GPC5: variants seen among roughly 807,000 people sequenced by gnomAD.
GPC5 encodes the protein glypican-5.
A neutral mutation model predicts 53.9 loss-of-function variants in GPC5; 47 were observed. The ratio of observed to expected loss-of-function variants is 0.87; its 90% CI spans 0.69 to 1.11. The LOEUF is 1.11. GPC5 is among the 50% of genes most tolerant of loss of function. The probability of loss-of-function intolerance (pLI) is 0.00; values close to 1 mark genes in which losing one functional copy is unlikely to be tolerated. For synonymous variants in GPC5, 286 were observed against 263.3 expected (o/e 1.09, Z -0.84); for missense variants, 748 against 713.1 (o/e 1.05, Z -0.56).
At chr13:91,951,323 CATT>C (rs1381509552) in intron 6 of GPC5, among the ~76,000 whole-genome samples, 2 of 151,812 alleles carry the variant, frequency 1.3e-5, no homozygotes, top group Non-Finnish European at 2.9e-5. Context: ...AATTGACAAA[CATT>C]GTGTGTGTAT....
intron 7 of GPC5, among the ~76,000 whole-genome samples, chr13:92,194,606 T>G (rs952822900): frequency 2.0e-5 from 3 of 151,806 alleles, no homozygotes; most frequent in Middle Eastern, 3.4e-3. Flanking sequence ...ATAATGGCCA[T>G]AGCTAGGTAA....
chr13:91,822,916 T>C (rs2038518960), intron 5 of GPC5, among the ~76,000 whole-genome samples: 1 of 152,130 alleles, frequency 6.6e-6, no homozygotes, highest in Non-Finnish European at 1.5e-5. Flanking sequence ...ACACATGTAT[T>C]AAATTAATAT....
intron 7 of GPC5, among the ~76,000 whole-genome samples, chr13:92,514,182 G>C (rs1302025138): frequency 9.0e-6 from 1 of 111,614 alleles, no homozygotes; most frequent in African/African-American, 3.6e-5. Context: ...ATATTGATTT[G>C]TCACCTGTCA....
rs528174351 is a variant in GPC5, at chr13:92,518,728, C to A, written c.1562-347554C>A. On this transcript the variant is annotated intron_variant, in intron 7 of 7. Transcript: ENST00000377067. ...GGAAGAAACTGCATCAACTAACGAG[C>A]AAAATAACCAGCTAACATCATAATG... is the stretch of plus-strand genomic sequence containing the variant. Among the ~76,000 whole-genome samples, 10 of 152,232 alleles carry A rather than the reference C, an allele frequency of 6.6e-5. No individual in the cohort carries two copies. The South Asian group carries it at 2.1e-3, about 32-fold the overall frequency.
At chr13:92,237,615 T>A (rs929414015) in intron 7 of GPC5, among the ~76,000 whole-genome samples, 1 of 152,220 alleles carries the variant, frequency 6.6e-6, no homozygotes, top group Non-Finnish European at 1.5e-5. Flanking sequence ...CATACTTGTA[T>A]TTCTTGTGTA....
chr13:91,754,322 A>C (rs2037242549), intron 4 of GPC5, among the ~76,000 whole-genome samples: 1 of 152,140 alleles, frequency 6.6e-6, no homozygotes, highest in Non-Finnish European at 1.5e-5. Context: ...GAGGGATGTA[A>C]TCTTAGTGTA....
chr13:92,008,226 C>G (rs1175065592), intron 6 of GPC5, among the ~76,000 whole-genome samples: 4 of 151,924 alleles, frequency 2.6e-5, no homozygotes, highest in East Asian at 1.9e-4. Context: ...CCACGCCCGG[C>G]TAATTTTTTG....
At chr13:92,594,061 G>GCT (rs1461742807) in intron 7 of GPC5, among the ~76,000 whole-genome samples, 1 of 152,164 alleles carries the variant, frequency 6.6e-6, no homozygotes, top group African/African-American at 2.4e-5. Context: ...AACAAATGGA[G>GCT]TGGTAGTAAC....
At chr13:91,843,958 A>C (rs1220235899) in intron 5 of GPC5, among the ~76,000 whole-genome samples, 1 of 152,302 alleles carries the variant, frequency 6.6e-6, no homozygotes, top group Non-Finnish European at 1.5e-5. Flanking sequence ...TTAATAGATA[A>C]AGAACACAGG....
intron 5 of GPC5, among the ~76,000 whole-genome samples, chr13:91,883,097 C>A (rs954845372): frequency 6.6e-6 from 1 of 152,160 alleles, no homozygotes; most frequent in Admixed American, 6.5e-5. Flanking sequence ...CAGTGCTAGT[C>A]AGCTGGCAAA....
intron 7 of GPC5, among the ~76,000 whole-genome samples, chr13:92,727,882 ACAGT>A (rs1424673764): frequency 1.3e-5 from 2 of 151,386 alleles, no homozygotes; most frequent in South Asian, 2.1e-4. Flanking sequence ...ACCTTCTCTA[ACAGT>A]CAGTTTACTA....
intron 6 of GPC5, among the ~76,000 whole-genome samples, chr13:92,120,678 CA>C (rs1257318567): frequency 6.6e-6 from 1 of 152,142 alleles, no homozygotes; most frequent in Non-Finnish European, 1.5e-5. Flanking sequence ...CACATTTATA[CA>C]TATGTATGTA....
intron 7 of GPC5, among the ~76,000 whole-genome samples, chr13:92,343,589 T>C (rs1010160067): frequency 1.3e-5 from 2 of 152,118 alleles, no homozygotes; most frequent in African/African-American, 4.8e-5. Context: ...CATAATAATA[T>C]AATTATCTTG....
intron 7 of GPC5, among the ~76,000 whole-genome samples, chr13:92,501,766 C>A (rs954915717): frequency 4.6e-5 from 7 of 152,064 alleles, no homozygotes; most frequent in Non-Finnish European, 8.8e-5. Flanking sequence ...CTGCAGATTT[C>A]TCATCAGAAA....
intron 7 of GPC5, among the ~76,000 whole-genome samples, chr13:92,681,603 T>G (rs1381038852): frequency 6.6e-6 from 1 of 152,124 alleles, no homozygotes; most frequent in African/African-American, 2.4e-5. Context: ...TGTCTCATGA[T>G]AAATTCTAAA....
intron 7 of GPC5, among the ~76,000 whole-genome samples, chr13:92,400,310 G>A (rs569493076): frequency 6.6e-6 from 1 of 152,090 alleles, no homozygotes; most frequent in Non-Finnish European, 1.5e-5. Flanking sequence ...CTTTTTGTTA[G>A]AATAACGTAA....
intron 6 of GPC5, among the ~76,000 whole-genome samples, chr13:91,939,717 C>A (rs2039907005): frequency 6.6e-6 from 1 of 152,118 alleles, no homozygotes; most frequent in Admixed American, 6.6e-5. Context: ...CTTTAGATGA[C>A]TTCAGAAGAT....
At chr13:92,582,927 T>G (rs1439238405) in intron 7 of GPC5, among the ~76,000 whole-genome samples, 1 of 152,216 alleles carries the variant, frequency 6.6e-6, no homozygotes, top group Non-Finnish European at 1.5e-5. Context: ...GATCATATCA[T>G]CTGCAAGCAA....
chr13:92,762,844 C>G (rs1236790942), intron 7 of GPC5, among the ~76,000 whole-genome samples: 2 of 151,848 alleles, frequency 1.3e-5, no homozygotes, highest in Non-Finnish European at 2.9e-5. Context: ...TTTCAAAAGA[C>G]CTTTTTCAAG....
Sources: gnomAD v4.1 joint callset for allele counts (sites outside exome capture counted in the v4.1 genomes callset) on GRCh38, gnomAD v4.1.1 for gene constraint, MANE v1.5 for transcripts, NCBI Gene and HGNC (gene_info 2026-07-23, HGNC 2026-07-21) for gene names.